The following DDX60L variants were observed in gnomAD, a reference collection of about 807,000 sequenced individuals.
The protein encoded by DDX60L is probable ATP-dependent RNA helicase DDX60-like.
Under a neutral mutation model 211.6 loss-of-function variants are expected in DDX60L, and 191 were observed. The ratio of observed to expected loss-of-function variants is 0.90; its 90% confidence interval spans 0.80 to 1.02. The LOEUF (loss-of-function observed/expected upper bound fraction) is 1.02, where lower values mean the gene tolerates loss of function less well. Among genes scored for constraint, DDX60L ranks in the 50% least tolerant of loss-of-function variants. The pLI is 0.00. For synonymous variants in DDX60L, 706 were observed against 694.1 expected, an observed-to-expected ratio of 1.02 and a Z score of -0.27; for missense variants, 2,007 against 1,984.1, an observed-to-expected ratio of 1.01 and a Z score of -0.22.
chr4:168,455,523 G>T (rs1041088916), intron 7 of DDX60L, among the ~76,000 whole-genome samples: 15 of 152,092 alleles, frequency 9.9e-5, no homozygotes, highest in African/African-American at 2.9e-4. Context: ...AATCCAGGCT[G>T]CCTTTTACCA....
At chr4:168,421,990 T>C in intron 16 of DDX60L, 81 bp from the exon 17 acceptor site, 1 of 1,564,604 alleles carries the variant, frequency 6.4e-7, no homozygotes, top group Non-Finnish European at 8.7e-7. Flanking sequence ...TTGTACCTTC[T>C]GTCTCCTGTG....
At chr4:168,420,637 C>G (rs1403527496) in intron 17 of DDX60L, among the ~76,000 whole-genome samples, 49 of 90,538 alleles carry the variant, frequency 5.4e-4, no homozygotes, top group African/African-American at 1.3e-3. Context: ...CACACACACA[C>G]ACATGAGATA....
At chr4:168,423,488 C>A in intron 15 of DDX60L, 120 bp downstream of exon 15, 2 of 640,854 alleles carry the variant, frequency 3.1e-6, no homozygotes, top group Non-Finnish European at 2.5e-6. Context: ...AAACTAGAAT[C>A]AGAGTAAACA....
At chr4:168,441,285 G>A in intron 10 of DDX60L, 52 bp downstream of exon 10, 1 of 1,481,460 alleles carries the variant, frequency 6.8e-7, no homozygotes. Context: ...GCTTCTAAAA[G>A]TTGTTCAGGA....
At chr4:168,366,366 G>C (rs1739985241) in intron 36 of DDX60L, among the ~76,000 whole-genome samples, 1 of 151,818 alleles carries the variant, frequency 6.6e-6, no homozygotes, top group African/African-American at 2.4e-5. Flanking sequence ...AAAATAAAAA[G>C]TTTTTTTAAA....
chr4:168,475,801 G>A (rs1759401149), intron 1 of DDX60L, among the ~76,000 whole-genome samples: 2 of 152,134 alleles, frequency 1.3e-5, no homozygotes, highest in African/African-American at 4.8e-5. Flanking sequence ...TAGGATTAGA[G>A]GAGGCTATAA....
intron 4 of DDX60L, among the ~76,000 whole-genome samples, chr4:168,466,630 T>C (rs1758026164): frequency 6.6e-6 from 1 of 152,214 alleles, no homozygotes. Flanking sequence ...TATTAAGAGT[T>C]GGTGCATGTT....
intron 4 of DDX60L, among the ~76,000 whole-genome samples, chr4:168,462,560 C>A (rs567375839): frequency 6.6e-6 from 1 of 152,290 alleles, no homozygotes; most frequent in Non-Finnish European, 1.5e-5. Context: ...CGCCTATAAT[C>A]CCAGCAGTTT....
intron 14 of DDX60L, among the ~76,000 whole-genome samples, 159 bp from the exon 15 acceptor site, chr4:168,423,933 A>G (rs1405544031): frequency 2.0e-5 from 3 of 149,696 alleles, no homozygotes; most frequent in Non-Finnish European, 4.5e-5. Flanking sequence ...ACTAAAACTC[A>G]TGATTAAATT....
At chr4:168,446,486 C>T (rs1295800603) in intron 9 of DDX60L, among the ~76,000 whole-genome samples, 1 of 152,350 alleles carries the variant, frequency 6.6e-6, no homozygotes, top group African/African-American at 2.4e-5. Context: ...ATGCCATCCC[C>T]ATCAAGCTAC....
intron 19 of DDX60L, among the ~76,000 whole-genome samples, chr4:168,417,904 T>C (rs1749845761): frequency 6.6e-6 from 1 of 152,222 alleles, no homozygotes; most frequent in Admixed American, 6.5e-5. Context: ...TTCATATCCC[T>C]TCTGACTTTG....
chr4:168,359,330 T>C (rs1225822494), intron 37 of DDX60L, among the ~76,000 whole-genome samples: 1 of 152,224 alleles, frequency 6.6e-6, no homozygotes, highest in Non-Finnish European at 1.5e-5. Flanking sequence ...AGACAACACA[T>C]GTGACATTTT....
At position 168,422,999 on chromosome 4, in the gene DDX60L, G is replaced by GTGTGTGTGTA. The variant is rs551448406; in HGVS notation, c.2098-330_2098-329insTACACACACA. 5.5e-4 allele frequency among the ~76,000 whole-genome samples: 75 copies of GTGTGTGTGTA among 137,612 alleles called. 2 individuals are homozygous for GTGTGTGTGTA. The highest frequency in any genetic ancestry group is 1.7e-3 in the African/African-American group (61 of 35,680). The allele number at this position is 137,612 out of a possible 152,430, so 90.3% of individuals were successfully genotyped here. ...TGTGTGTGTGTGTGTGTGTGTGTGT[G>GTGTGTGTGTA]TTGTAGAGACAGGGTGTTGCCATGT... On this transcript the variant is annotated intron_variant, in intron 15 of 37. Transcript: ENST00000682922.
chr4:168,390,639 GTT>G, intron 29 of DDX60L: 4 of 447,908 alleles, frequency 8.9e-6, no homozygotes, highest in South Asian at 4.0e-5. Context: ...ATTATTGTCA[GTT>G]TTTTTTTTAG....
At chr4:168,407,659 A>C (rs1269959879) in intron 22 of DDX60L, among the ~76,000 whole-genome samples, 1 of 152,134 alleles carries the variant, frequency 6.6e-6, no homozygotes, top group African/African-American at 2.4e-5. Context: ...TGAGGAAGGA[A>C]CCCTTCCTTT....
chr4:168,433,201 C>T (rs1005664882), intron 10 of DDX60L, 86 bp from the exon 11 acceptor site: 4 of 903,228 alleles, frequency 4.4e-6, no homozygotes, highest in Non-Finnish European at 6.7e-6. Flanking sequence ...ATTTCAAATG[C>T]ATAATATTTT....
rs559283635 is a variant in DDX60L at position 168,422,068 on chromosome 4, G to A, written c.2245-159C>T. Among the ~76,000 whole-genome samples the A allele has an allele frequency of 3.3e-5, 5 of 152,292 alleles. No homozygotes were observed. In the South Asian group the frequency reaches 1.0e-3, roughly 32 times the overall value. On this transcript the variant is annotated intron_variant, in intron 16 of 37. Transcript: ENST00000682922. ...AGATTAGGTCTGGTGAACACTCGAA[G>A]GATTCAGGAAAATACCTGGATTACT...
chr4:168,463,419 C>A (rs1179522431), intron 4 of DDX60L, among the ~76,000 whole-genome samples: 1 of 152,216 alleles, frequency 6.6e-6, no homozygotes, highest in East Asian at 1.9e-4. Flanking sequence ...AAACAACAGA[C>A]ACTGCAGCCT....
In DDX60L at chr4:168,375,422, A is replaced by G. The variant is rs1192085926; in HGVS notation, c.4588T>C (p.Ser1530Pro). The G allele has an allele frequency of 1.2e-6, 2 of 1,612,970 alleles. No homozygotes were observed. Among genetic ancestry groups the G allele is most frequent in the Non-Finnish European group, 1.7e-6 (2 of 1,179,452 alleles). The change falls in exon 34 of 38, where the codon TCG becomes CCG. Residue 1530 changes from serine (S) to proline (P), a missense_variant. Transcript: ENST00000682922. ...FASFLLIASK[S>P]VNMKKEHQLP... ...TGATGCTCTTTTTTCATGTTCACCG[A>G]CTTGGAAGCAATCAGCAGGAAGGAG... is the stretch of plus-strand genomic sequence containing the variant.
Sources: gnomAD v4.1 joint callset for allele counts (sites outside exome capture counted in the v4.1 genomes callset) on GRCh38, gnomAD v4.1.1 for gene constraint, MANE v1.5 for transcripts, NCBI Gene and HGNC (gene_info 2026-07-23, HGNC 2026-07-21) for gene names.